ATP8A2: variants seen among roughly 807,000 people sequenced by gnomAD.
The protein encoded by ATP8A2 is phospholipid-transporting ATPase IB.
Under a neutral mutation model 165.6 loss-of-function variants are expected in ATP8A2, and 100 were observed. The observed-to-expected ratio is 0.60, with a 90% confidence interval of 0.51 to 0.71. The LOEUF (loss-of-function observed/expected upper bound fraction) is 0.71, where lower values mean the gene tolerates loss of function less well. Ranked by LOEUF, ATP8A2 falls within the 30% of genes least tolerant of loss-of-function variation. ATP8A2 has a pLI of 0.00. For synonymous variants in ATP8A2, 543 were observed against 548.8 expected, an observed-to-expected ratio of 0.99 and a Z score of 0.15; for missense variants, 1,227 against 1,479.5, an observed-to-expected ratio of 0.83 and a Z score of 2.80.
intron 33 of ATP8A2, among the ~76,000 whole-genome samples, chr13:25,871,650 C>A (rs756151132): frequency 1.3e-5 from 2 of 152,104 alleles, no homozygotes; most frequent in Non-Finnish European, 2.9e-5. Flanking sequence ...AAATACTGAA[C>A]AGACTTAAAA....
At chr13:25,998,478 C>A (rs1282664033) in intron 35 of ATP8A2, among the ~76,000 whole-genome samples, 3 of 152,176 alleles carry the variant, frequency 2.0e-5, no homozygotes, top group Non-Finnish European at 4.4e-5. Context: ...ATGAGTACTT[C>A]AGGCCTGAAA....
At chr13:25,582,518 A>G (rs2039803865) in intron 23 of ATP8A2, among the ~76,000 whole-genome samples, 1 of 152,238 alleles carries the variant, frequency 6.6e-6, no homozygotes, top group African/African-American at 2.4e-5. Context: ...TTTTTTAAAA[A>G]TCTAATCTTG....
intron 27 of ATP8A2, among the ~76,000 whole-genome samples, chr13:25,818,636 A>G (rs1951086344): frequency 6.6e-6 from 1 of 152,226 alleles, no homozygotes; most frequent in Non-Finnish European, 1.5e-5. Flanking sequence ...GTAAGCCATA[A>G]ATACACTTTA....
chr13:25,402,805 T>C (rs773406800), intron 1 of ATP8A2, among the ~76,000 whole-genome samples: 1 of 152,196 alleles, frequency 6.6e-6, no homozygotes, highest in Non-Finnish European at 1.5e-5. Flanking sequence ...GTTGGGCTGC[T>C]ATAATGAAAT....
intron 27 of ATP8A2, among the ~76,000 whole-genome samples, chr13:25,806,203 G>A (rs1384100743): frequency 6.6e-6 from 1 of 152,120 alleles, no homozygotes; most frequent in Non-Finnish European, 1.5e-5. Context: ...CCACCTCCCT[G>A]CCGATAAGAC....
At chr13:25,578,792 C>G in intron 20 of ATP8A2, 23 bp from the exon 21 acceptor site, 1 of 1,382,782 alleles carries the variant, frequency 7.2e-7, no homozygotes, top group Non-Finnish European at 1.0e-6. Context: ...CTTTGCCAGT[C>G]ACAATGTTTC....
At chr13:25,733,321 A>G (rs985738740) in intron 25 of ATP8A2, among the ~76,000 whole-genome samples, 1 of 152,178 alleles carries the variant, frequency 6.6e-6, no homozygotes, top group East Asian at 1.9e-4. Flanking sequence ...AGGATTGGAA[A>G]ACAGTGAAGG....
intron 24 of ATP8A2, among the ~76,000 whole-genome samples, chr13:25,618,855 G>A (rs576987021): frequency 6.6e-6 from 1 of 151,950 alleles, no homozygotes; most frequent in Non-Finnish European, 1.5e-5. Flanking sequence ...TTCTTGGGTG[G>A]TGGAAAAGGG....
chr13:25,563,421 T>A (rs887369662), intron 15 of ATP8A2, among the ~76,000 whole-genome samples: 8 of 141,224 alleles, frequency 5.7e-5, no homozygotes, highest in Non-Finnish European at 1.1e-4. Flanking sequence ...AAAAAAAAAA[T>A]TTCAGGAGGG....
intron 2 of ATP8A2, among the ~76,000 whole-genome samples, chr13:25,521,552 A>G (rs1049987341): frequency 1.8e-4 from 27 of 152,154 alleles, no homozygotes; most frequent in Admixed American, 1.2e-3. Context: ...TGATTTTTGT[A>G]TAATGAGAGA....
At chr13:26,003,293 C>A (rs1956672707) in intron 35 of ATP8A2, among the ~76,000 whole-genome samples, 1 of 151,210 alleles carries the variant, frequency 6.6e-6, no homozygotes, top group Non-Finnish European at 1.5e-5. Context: ...GTTGTTTGAT[C>A]ATTCTTCATA....
chr13:25,584,577 T>C (rs4073094), intron 23 of ATP8A2, among the ~76,000 whole-genome samples: 91,094 of 152,066 alleles, frequency 0.6, 28,914 homozygotes, highest in Middle Eastern at 0.71. Flanking sequence ...GAAAACTCTT[T>C]TTTTAATATT....
intron 1 of ATP8A2, among the ~76,000 whole-genome samples, chr13:25,397,789 A>G (rs1476631690): frequency 2.6e-5 from 4 of 152,226 alleles, no homozygotes; most frequent in Non-Finnish European, 4.4e-5. Flanking sequence ...GCAATGGCAT[A>G]AACCAATACA....
intron 2 of ATP8A2, among the ~76,000 whole-genome samples, chr13:25,520,629 C>T (rs1180824262): frequency 1.5e-5 from 2 of 132,016 alleles, no homozygotes; most frequent in Non-Finnish European, 3.1e-5. Flanking sequence ...GAGATGGAGT[C>T]TTGCTCTGTC....
At chr13:25,902,569 T>TAA in intron 33 of ATP8A2, among the ~76,000 whole-genome samples, 1 of 134,336 alleles carries the variant, frequency 7.4e-6, no homozygotes, top group East Asian at 2.1e-4. Context: ...CAACATCAAT[T>TAA]TAAAAAAAAA....
At chr13:25,761,375 T>G (rs1482789303) in intron 25 of ATP8A2, among the ~76,000 whole-genome samples, 1 of 152,216 alleles carries the variant, frequency 6.6e-6, no homozygotes, top group Non-Finnish European at 1.5e-5. Flanking sequence ...ATCCTTATTC[T>G]ACTGGGCACT....
intron 1 of ATP8A2, among the ~76,000 whole-genome samples, chr13:25,457,182 G>T (rs1175601029): frequency 6.6e-6 from 1 of 152,114 alleles, no homozygotes; most frequent in Non-Finnish European, 1.5e-5. Flanking sequence ...TGCTACCACC[G>T]CTAAAGCCTG....
At chr13:25,573,904 A>G (rs2039540887) in intron 18 of ATP8A2, among the ~76,000 whole-genome samples, 1 of 152,204 alleles carries the variant, frequency 6.6e-6, no homozygotes, top group African/African-American at 2.4e-5. Context: ...GTGAATGAAG[A>G]TAATGATTCC....
chr13:25,816,331 AG>A (rs2138543274), intron 27 of ATP8A2, among the ~76,000 whole-genome samples: 1 of 152,312 alleles, frequency 6.6e-6, no homozygotes, highest in Admixed American at 6.5e-5. Flanking sequence ...GTCTGAATCC[AG>A]CCCTCTTCTC....
Sources: gnomAD v4.1 joint callset for allele counts (sites outside exome capture counted in the v4.1 genomes callset) on GRCh38, gnomAD v4.1.1 for gene constraint, MANE v1.5 for transcripts, NCBI Gene and HGNC (gene_info 2026-07-23, HGNC 2026-07-21) for gene names.